The following ADAM12 variants were observed in gnomAD, a reference collection of about 807,000 sequenced individuals.
The protein encoded by ADAM12 is disintegrin and metalloproteinase domain-containing protein 12.
In ADAM12, 70 loss-of-function variants were observed where a neutral mutation model predicts 106.4. The observed-to-expected ratio is 0.66, with a 90% confidence interval of 0.54 to 0.80. The LOEUF is 0.80. Among genes scored for constraint, ADAM12 ranks in the 30% least tolerant of loss-of-function variants. ADAM12 has a pLI of 0.00. For synonymous variants in ADAM12, 420 were observed against 433.5 expected, an observed-to-expected ratio of 0.97 and a Z score of 0.39; for missense variants, 1,010 against 1,171.9, an observed-to-expected ratio of 0.86 and a Z score of 2.02.
intron 1 of ADAM12, among the ~76,000 whole-genome samples, chr10:126,347,579 T>C (rs116490834): frequency 0.011 from 1,713 of 152,160 alleles, 42 homozygotes; most frequent in African/African-American, 0.04. Flanking sequence ...GCCTTGTCAA[T>C]AGCCAATCAT....
chr10:126,143,443 A>T (rs956947468), intron 4 of ADAM12, among the ~76,000 whole-genome samples: 29 of 144,320 alleles, frequency 2.0e-4, no homozygotes, highest in Admixed American at 3.5e-4. Flanking sequence ...ATGTGTGTAT[A>T]TGGTGTGCAT....
intron 5 of ADAM12, among the ~76,000 whole-genome samples, chr10:126,120,393 G>A (rs563549965): frequency 1.3e-5 from 2 of 152,300 alleles, no homozygotes; most frequent in East Asian, 3.9e-4. Flanking sequence ...GATAATTTTA[G>A]GGGGTGAGTA....
At chr10:126,286,844 G>A (rs1355671232) in intron 2 of ADAM12, among the ~76,000 whole-genome samples, 1 of 152,188 alleles carries the variant, frequency 6.6e-6, no homozygotes, top group Non-Finnish European at 1.5e-5. Flanking sequence ...CCAACAACCT[G>A]TTAAAATGCT....
chr10:126,116,924 A>G (rs1955994147), intron 6 of ADAM12, among the ~76,000 whole-genome samples: 1 of 152,214 alleles, frequency 6.6e-6, no homozygotes, highest in Non-Finnish European at 1.5e-5. Flanking sequence ...AATAATATTC[A>G]TTAAATATTG....
At chr10:126,166,649 C>T (rs2133753569) in intron 3 of ADAM12, among the ~76,000 whole-genome samples, 1 of 152,292 alleles carries the variant, frequency 6.6e-6, no homozygotes, top group South Asian at 2.1e-4. Flanking sequence ...CAGGCATGTG[C>T]CACCACACCC....
intron 3 of ADAM12, among the ~76,000 whole-genome samples, chr10:126,258,384 T>TCCGTGCCCCACACGCCCCAC (rs138599367): frequency 4.0e-5 from 6 of 151,888 alleles, no homozygotes; most frequent in South Asian, 4.2e-4. Context: ...CCCCACTGCC[T>TCCGTGCCCCACACGCCCCAC]CCGTGCCCCA....
chr10:126,193,894 GAAATAAAATGAAATAAAATAAAATA>G (rs1957548801), intron 3 of ADAM12, among the ~76,000 whole-genome samples: 2 of 124,478 alleles, frequency 1.6e-5, no homozygotes, highest in Admixed American at 1.6e-4. Flanking sequence ...TCTGTCTCAT[GAAATAAAATGAAATAAAATAAAATA>G]AAATAAAATA....
In ADAM12 at chr10:126,245,374, G is replaced by A. The variant is rs1410246279; in HGVS notation, c.260+33541C>T. Among the ~76,000 whole-genome samples the A allele has an allele frequency of 4.6e-5, 7 of 152,326 alleles. No individual in the cohort carries two copies. In the East Asian group the frequency reaches 1.4e-3, roughly 29 times the overall value. The stretch of plus-strand genomic sequence containing the variant: ...TAAACCTAGATGGTGAAAGGAGAGA[G>A]TCCTGCCAGCTTGAGAAAGGAATGC... On this transcript the variant is annotated intron_variant, in intron 3 of 22. Transcript: ENST00000448723.
chr10:126,018,954 G>T (rs1266649552), intron 22 of ADAM12, among the ~76,000 whole-genome samples: 1 of 152,196 alleles, frequency 6.6e-6, no homozygotes, highest in Non-Finnish European at 1.5e-5. Context: ...GAGTTGTGGA[G>T]GTGGGCATTG....
intron 3 of ADAM12, among the ~76,000 whole-genome samples, chr10:126,173,096 G>C (rs925639475): frequency 2.0e-5 from 3 of 152,074 alleles, no homozygotes; most frequent in African/African-American, 7.2e-5. Context: ...TCACACACTG[G>C]GGCCTGTCAC....
At chr10:126,286,432 A>G (rs986237728) in intron 2 of ADAM12, among the ~76,000 whole-genome samples, 1 of 152,182 alleles carries the variant, frequency 6.6e-6, no homozygotes, top group African/African-American at 2.4e-5. Flanking sequence ...CTGGAAGCTC[A>G]GAGGGATCTA....
At chr10:126,330,104 T>C (rs759664859) in intron 2 of ADAM12, among the ~76,000 whole-genome samples, 2 of 152,138 alleles carry the variant, frequency 1.3e-5, no homozygotes, top group African/African-American at 4.8e-5. Flanking sequence ...TAGACATAAA[T>C]ATAGAAAAAT....
At position 126,302,780 on chromosome 10, in the gene ADAM12, G is replaced by A. The variant is rs1400905756; in HGVS notation, c.187-23792C>T. On this transcript the variant is annotated intron_variant, in intron 2 of 22. Coordinates refer to ENST00000448723, the MANE Select transcript of ADAM12 (RefSeq NM_001288973.2). The stretch of plus-strand genomic sequence containing the variant: ...AGAAAGGAAAAGGTTTTGGAAATAG[G>A]CTACACGTACCATTACCAAAATTGT... Among the ~76,000 whole-genome samples the A allele has an allele frequency of 2.0e-5, 3 of 152,172 alleles. No individual in the cohort carries two copies. In the East Asian group the frequency reaches 5.8e-4, roughly 29 times the overall value.
intron 3 of ADAM12, among the ~76,000 whole-genome samples, chr10:126,195,426 T>C (rs1158025612): frequency 2.0e-5 from 3 of 151,790 alleles, no homozygotes; most frequent in African/African-American, 7.3e-5. Context: ...AATAGAAAAA[T>C]TAGCCAGGTG....
At chr10:126,054,548 T>C (rs1954586551) in intron 14 of ADAM12, among the ~76,000 whole-genome samples, 1 of 152,242 alleles carries the variant, frequency 6.6e-6, no homozygotes. Flanking sequence ...ACCTAATGCC[T>C]ATCAGTCTTC....
intron 6 of ADAM12, among the ~76,000 whole-genome samples, chr10:126,117,311 T>C (rs1394618880): frequency 6.6e-6 from 1 of 152,164 alleles, no homozygotes; most frequent in African/African-American, 2.4e-5. Context: ...GGAAGGGAAG[T>C]CTGTCTGCAG....
intron 2 of ADAM12, among the ~76,000 whole-genome samples, chr10:126,287,241 C>T (rs537951133): frequency 7.9e-5 from 12 of 152,184 alleles, no homozygotes; most frequent in Non-Finnish European, 1.6e-4. Flanking sequence ...CCACCAGGCA[C>T]GTGCATCTGT....
At chr10:126,377,560 C>A (rs778233249) in intron 1 of ADAM12, among the ~76,000 whole-genome samples, 1 of 152,164 alleles carries the variant, frequency 6.6e-6, no homozygotes, top group African/African-American at 2.4e-5. Flanking sequence ...TCCCGGCCCA[C>A]TGACTCAAAT....
intron 3 of ADAM12, among the ~76,000 whole-genome samples, chr10:126,187,790 G>A (rs1808285526): frequency 6.6e-6 from 1 of 152,214 alleles, no homozygotes; most frequent in Non-Finnish European, 1.5e-5. Flanking sequence ...TACTTGATGA[G>A]CTAAAATGAA....
Sources: gnomAD v4.1 joint callset for allele counts (sites outside exome capture counted in the v4.1 genomes callset) on GRCh38, gnomAD v4.1.1 for gene constraint, MANE v1.5 for transcripts, NCBI Gene and HGNC (gene_info 2026-07-23, HGNC 2026-07-21) for gene names.